Variants in EPHB1 observed in about 807,000 individuals in gnomAD.
EPHB1 encodes EPH receptor B1, also known as ephrin type-B receptor 1.
Under a neutral mutation model 94.4 loss-of-function variants are expected in EPHB1, and 30 were observed. The observed-to-expected ratio is 0.32, with a 90% CI of 0.24 to 0.43. The LOEUF is 0.43. EPHB1 is among the 20% of genes least tolerant of loss of function. The probability of loss-of-function intolerance (pLI) is 1.00; values close to 1 mark genes in which losing one functional copy is unlikely to be tolerated. For synonymous variants in EPHB1, 522 were observed against 489.1 expected (o/e 1.07, Z -0.89); for missense variants, 1,055 against 1,308.3 (o/e 0.81, Z 2.99).
intron 1 of EPHB1, among the ~76,000 whole-genome samples, chr3:134,881,789 C>T (rs1203054559): frequency 1.3e-5 from 2 of 152,030 alleles, no homozygotes; most frequent in East Asian, 1.9e-4. Flanking sequence ...TTTTTAATCC[C>T]CAGAATTCTG....
At chr3:135,078,198 C>G (rs1197396278) in intron 3 of EPHB1, among the ~76,000 whole-genome samples, 1 of 152,170 alleles carries the variant, frequency 6.6e-6, no homozygotes, top group Non-Finnish European at 1.5e-5. Flanking sequence ...AGACTTCAGG[C>G]CTTCAGACAA....
intron 3 of EPHB1, among the ~76,000 whole-genome samples, chr3:135,078,604 A>G (rs1445294816): frequency 6.6e-6 from 1 of 152,228 alleles, no homozygotes; most frequent in Non-Finnish European, 1.5e-5. Context: ...TGATGGACAA[A>G]TGGACAGAGA....
intron 12 of EPHB1, among the ~76,000 whole-genome samples, chr3:135,202,503 T>C (rs1252669628): frequency 6.6e-6 from 1 of 152,188 alleles, no homozygotes. Context: ...TTCACCTGGA[T>C]TGTTACAGTG....
chr3:134,806,081 A>T (rs1439984709), intron 1 of EPHB1, among the ~76,000 whole-genome samples: 3 of 152,178 alleles, frequency 2.0e-5, no homozygotes, highest in Non-Finnish European at 2.9e-5. Flanking sequence ...ATCAACAAAC[A>T]CTTAAAAACC....
At chr3:134,959,761 CAGGAAA>C (rs964962181) in intron 3 of EPHB1, among the ~76,000 whole-genome samples, 1 of 152,080 alleles carries the variant, frequency 6.6e-6, no homozygotes, top group Non-Finnish European at 1.5e-5. Flanking sequence ...TTTGTGCTTA[CAGGAAA>C]GGGCAGAGGG....
At chr3:135,088,894 T>C (rs1938459857) in intron 3 of EPHB1, among the ~76,000 whole-genome samples, 1 of 152,230 alleles carries the variant, frequency 6.6e-6, no homozygotes, top group South Asian at 2.1e-4. Context: ...TTAACTGCTA[T>C]TAATACTTTT....
At chr3:134,897,446 A>C (rs1197098766) in intron 1 of EPHB1, among the ~76,000 whole-genome samples, 1 of 152,182 alleles carries the variant, frequency 6.6e-6, no homozygotes. Flanking sequence ...GGTTGGTTAC[A>C]TCACACGCAG....
Position 135,156,093 on chromosome 3 carries a change from C to T in EPHB1, c.1422+1817C>T, listed in dbSNP as rs1559854696. Among the ~76,000 whole-genome samples the T allele has an allele frequency of 2.0e-5, 3 of 151,962 alleles. No individual in the cohort carries two copies. The South Asian group carries it at 6.2e-4, about 32-fold the overall frequency. On this transcript the variant is annotated intron_variant, in intron 6 of 15. Coordinates refer to ENST00000398015, the MANE Select transcript of EPHB1 (RefSeq NM_004441.5). ...AAGGTTTTAGCCTGAACCACTAGAA[C>T]GATGTAGCCGGCACTGACTGAGAAG...
At chr3:135,245,247 T>C (rs766788600) in intron 13 of EPHB1, among the ~76,000 whole-genome samples, 1 of 152,166 alleles carries the variant, frequency 6.6e-6, no homozygotes, top group Admixed American at 6.5e-5. Flanking sequence ...CATTTAATCT[T>C]TGTAACAATC....
At chr3:135,200,140 G>A (rs954041536) in intron 11 of EPHB1, among the ~76,000 whole-genome samples, 1 of 152,200 alleles carries the variant, frequency 6.6e-6, no homozygotes, top group Non-Finnish European at 1.5e-5. Flanking sequence ...GCCCTTTGGG[G>A]AGCATTTGGG....
At chr3:134,894,615 G>A (rs1055132302) in intron 1 of EPHB1, among the ~76,000 whole-genome samples, 5 of 152,152 alleles carry the variant, frequency 3.3e-5, no homozygotes, top group Non-Finnish European at 7.4e-5. Flanking sequence ...GAGGGCTCTG[G>A]AAGAACAATG....
chr3:135,064,251 G>A (rs964494750), intron 3 of EPHB1, among the ~76,000 whole-genome samples: 2 of 152,050 alleles, frequency 1.3e-5, no homozygotes, highest in African/African-American at 2.4e-5. Flanking sequence ...TCTTGTGGAA[G>A]GAATAGTGTC....
intron 1 of EPHB1, among the ~76,000 whole-genome samples, chr3:134,900,338 A>T (rs914448862): frequency 1.1e-4 from 16 of 151,726 alleles, no homozygotes; most frequent in African/African-American, 3.4e-4. Context: ...TTTTATTTTT[A>T]TTTTTTTTGT....
At chr3:135,098,341 A>AAT (rs767511579) in intron 3 of EPHB1, among the ~76,000 whole-genome samples, 2 of 150,930 alleles carry the variant, frequency 1.3e-5, no homozygotes, top group Non-Finnish European at 3.0e-5. Flanking sequence ...GATATGTTTG[A>AAT]GTGTGTGTGT....
chr3:134,858,703 C>A (rs116691806), intron 1 of EPHB1, among the ~76,000 whole-genome samples: 2 of 152,280 alleles, frequency 1.3e-5, no homozygotes, highest in African/African-American at 4.8e-5. Flanking sequence ...TGGAGCTGGT[C>A]GAATCCACTT....
At chr3:135,155,830 AGT>A (rs1336525946) in intron 6 of EPHB1, among the ~76,000 whole-genome samples, 1 of 146,026 alleles carries the variant, frequency 6.8e-6, no homozygotes, top group Admixed American at 6.8e-5. Flanking sequence ...TTTTCCACTG[AGT>A]GAGATATGGA....
chr3:134,977,122 T>G (rs1267987979), intron 3 of EPHB1, among the ~76,000 whole-genome samples: 1 of 152,178 alleles, frequency 6.6e-6, no homozygotes, highest in Non-Finnish European at 1.5e-5. Flanking sequence ...GGAGTAGAGG[T>G]GCTTGAAGCC....
intron 1 of EPHB1, among the ~76,000 whole-genome samples, chr3:134,805,098 C>T (rs1009143603): frequency 2.0e-5 from 3 of 152,144 alleles, no homozygotes; most frequent in Non-Finnish European, 4.4e-5. Context: ...AGGCTGAAGC[C>T]GGGAGGTGAG....
chr3:135,221,480 G>T (rs539726656), intron 12 of EPHB1, among the ~76,000 whole-genome samples: 5 of 152,222 alleles, frequency 3.3e-5, no homozygotes, highest in South Asian at 4.2e-4. Context: ...TTCTTTCCTT[G>T]TTCTATTTTT....
Sources: gnomAD v4.1 joint callset for allele counts (sites outside exome capture counted in the v4.1 genomes callset) on GRCh38, gnomAD v4.1.1 for gene constraint, MANE v1.5 for transcripts, NCBI Gene and HGNC (gene_info 2026-07-23, HGNC 2026-07-21) for gene names.